KDM6A: variants seen among roughly 807,000 people sequenced by gnomAD.
KDM6A encodes the protein lysine-specific demethylase 6A.
KDM6A carries 11 observed loss-of-function variants against 117.6 expected under a neutral mutation model. The ratio of observed to expected loss-of-function variants is 0.09; its 90% confidence interval spans 0.06 to 0.15. The LOEUF is 0.15. KDM6A is among the 10% of genes least tolerant of loss of function. The probability of loss-of-function intolerance (pLI) is 1.00; values close to 1 mark genes in which losing one functional copy is unlikely to be tolerated. For synonymous variants in KDM6A, 384 were observed against 396.1 expected (o/e 0.97, Z 0.36); for missense variants, 799 against 1,077.3 (o/e 0.74, Z 3.62).
intron 20 of KDM6A, among the ~76,000 whole-genome samples, chrX:45,078,803 T>A (rs1378421554): frequency 9.0e-6 from 1 of 110,695 alleles, no homozygotes; most frequent in East Asian, 2.8e-4. Context: ...ATAGAAAAAA[T>A]TTGATTATAA....
chrX:45,078,761 T>G (rs1305999481), intron 20 of KDM6A, among the ~76,000 whole-genome samples: 1 of 110,986 alleles, frequency 9.0e-6, no homozygotes, highest in Non-Finnish European at 1.9e-5. Context: ...AGCTATTACT[T>G]TGGTCCGTTT....
intron 27 of KDM6A, among the ~76,000 whole-genome samples, chrX:45,098,880 AAT>A (rs2046219779): frequency 1.8e-5 from 2 of 111,786 alleles, no homozygotes; most frequent in Admixed American, 9.5e-5. Context: ...TCTCCTTTAA[AAT>A]ATATAAAATT....
chrX:44,891,578 A>G (rs753721201), intron 2 of KDM6A, among the ~76,000 whole-genome samples: 2 of 112,199 alleles, frequency 1.8e-5, no homozygotes, highest in African/African-American at 6.5e-5. Context: ...CCGGTGCTGT[A>G]AAGAAATAGC....
intron 4 of KDM6A, among the ~76,000 whole-genome samples, chrX:45,007,617 G>A (rs1395651956): frequency 1.8e-5 from 2 of 111,941 alleles, no homozygotes; most frequent in Non-Finnish European, 3.8e-5. Context: ...GATTGGATTA[G>A]TAAATCTTTG....
intron 2 of KDM6A, among the ~76,000 whole-genome samples, chrX:44,890,621 C>G (rs985599430): frequency 3.1e-5 from 3 of 96,216 alleles, no homozygotes; most frequent in Admixed American, 1.1e-4. Context: ...GTGTATTTCC[C>G]TAATGGCTAG....
chrX:45,090,479 A>G lies in KDM6A; in HGVS notation c.3893-244A>G, dbSNP rs1045895612. Among the ~76,000 whole-genome samples, 3 of 112,034 alleles carry G rather than the reference A, an allele frequency of 2.7e-5. No individual in the cohort carries two copies. In the Admixed American group the frequency reaches 2.8e-4, roughly 11 times the overall value. Reference sequence around the variant, plus strand: ...AATGAAATTAATAAGGTGATGGTGAAGAGTAAATGAGATAATGGGTAAAAA... The same window carrying G: ...AATGAAATTAATAAGGTGATGGTGAGGAGTAAATGAGATAATGGGTAAAAA... On this transcript the variant is annotated intron_variant, in intron 26 of 29. Coordinates refer to ENST00000611820, the MANE Select transcript of KDM6A (RefSeq NM_001291415.2).
intron 3 of KDM6A, among the ~76,000 whole-genome samples, chrX:44,969,194 T>G (rs986766994): frequency 1.2e-4 from 13 of 110,177 alleles, no homozygotes; most frequent in Non-Finnish European, 2.3e-4. Context: ...CAATTATAAG[T>G]TCCCTGAAAT....
chrX:44,951,532 GTTTATTT>G (rs1475121245), intron 2 of KDM6A, among the ~76,000 whole-genome samples: 7 of 111,265 alleles, frequency 6.3e-5, no homozygotes, highest in African/African-American at 2.3e-4. Flanking sequence ...GTTTATGTCT[GTTTATTT>G]TTTATTTTTT....
chrX:45,006,163 G>A (rs1348193728), intron 4 of KDM6A, among the ~76,000 whole-genome samples: 3 of 72,741 alleles, frequency 4.1e-5, no homozygotes, highest in African/African-American at 1.7e-4. Context: ...CCAGCCCTGC[G>A]CCCCCCCCCG....
chrX:44,899,035 G>GTGTGTGTGTGTGTGTGTGTT (rs2034130377), intron 2 of KDM6A, among the ~76,000 whole-genome samples: 2 of 100,940 alleles, frequency 2.0e-5, no homozygotes, highest in African/African-American at 7.5e-5. Context: ...GTGTGTGTGT[G>GTGTGTGTGTGTGTGTGTGTT]TGTTTGTTTG....
intron 2 of KDM6A, among the ~76,000 whole-genome samples, chrX:44,914,347 C>T (rs138871515): frequency 0.038 from 4,272 of 111,465 alleles, 214 homozygotes; most frequent in African/African-American, 0.13. Context: ...TAAAGTGCAC[C>T]GTACTTAGCA....
intron 4 of KDM6A, among the ~76,000 whole-genome samples, chrX:44,981,917 C>G (rs1257238090): frequency 9.0e-6 from 1 of 111,628 alleles, no homozygotes; most frequent in Non-Finnish European, 1.9e-5. Context: ...AACCTCATCT[C>G]CGCTAAAAAT....
intron 8 of KDM6A, among the ~76,000 whole-genome samples, chrX:45,041,220 A>C (rs1330357469): frequency 1.6e-5 from 1 of 62,164 alleles, no homozygotes; most frequent in Non-Finnish European, 2.8e-5. Context: ...GGCCGGGCAG[A>C]GGGGCTCCTC....
intron 2 of KDM6A, among the ~76,000 whole-genome samples, chrX:44,921,398 A>G (rs1194640263): frequency 9.0e-6 from 1 of 111,433 alleles, no homozygotes; most frequent in East Asian, 2.8e-4. Flanking sequence ...GCGTGTTTGT[A>G]TGGCTCTATG....
chrX:44,997,225 G>A (rs925553312), intron 4 of KDM6A, among the ~76,000 whole-genome samples: 1 of 112,425 alleles, frequency 8.9e-6, no homozygotes, highest in African/African-American at 3.2e-5. Flanking sequence ...TGGTGTACTG[G>A]AAGAATCGGA....
At chrX:45,003,715 C>T (rs1320175387) in intron 4 of KDM6A, among the ~76,000 whole-genome samples, 1 of 109,665 alleles carries the variant, frequency 9.1e-6, no homozygotes, top group Non-Finnish European at 1.9e-5. Context: ...CTCTCTCTTT[C>T]TTTCTCTCTT....
chrX:45,037,948 G>A (rs1055844272), intron 8 of KDM6A, among the ~76,000 whole-genome samples: 4 of 111,784 alleles, frequency 3.6e-5, no homozygotes, highest in African/African-American at 1.3e-4. Flanking sequence ...GCGGCTGGGC[G>A]CGGTAGCTCA....
chrX:44,885,511 G>C (rs2032776042), intron 2 of KDM6A, among the ~76,000 whole-genome samples: 1 of 110,553 alleles, frequency 9.0e-6, no homozygotes, highest in Admixed American at 9.7e-5. Flanking sequence ...CTCTGTGCTT[G>C]CTTTGGCAGT....
At chrX:45,082,899 A>C (rs993169904) in intron 23 of KDM6A, 110 bp downstream of exon 23, 64 of 543,360 alleles carry the variant, frequency 1.2e-4, no homozygotes, top group Middle Eastern at 5.3e-4. Flanking sequence ...CATTTTTTTT[A>C]AGTTGACATG....
Sources: allele counts gnomAD v4.1 joint callset (sites outside exome capture counted in the v4.1 genomes callset), GRCh38; gene constraint gnomAD v4.1.1; transcripts MANE v1.5; gene names NCBI Gene and HGNC (gene_info 2026-07-23, HGNC 2026-07-21).